The following PTPN6 variants were observed in gnomAD, a reference collection of about 807,000 sequenced individuals.
PTPN6 encodes protein tyrosine phosphatase non-receptor type 6.
In PTPN6, 18 loss-of-function variants were observed where a neutral mutation model predicts 81.5. The observed-to-expected ratio is 0.22, with a 90% CI of 0.15 to 0.33. PTPN6 has a LOEUF of 0.33. Among genes scored for constraint, PTPN6 ranks in the 10% least tolerant of loss-of-function variants. The pLI is 1.00. For missense variants in PTPN6, 500 were observed against 794.2 expected, an observed-to-expected ratio of 0.63 and a Z score of 4.45; for synonymous variants, 301 against 310.9, an observed-to-expected ratio of 0.97 and a Z score of 0.33.
chr12:6,955,959 C>T lies in PTPN6; in HGVS notation c.845-183C>T, dbSNP rs937505305. Among the ~76,000 whole-genome samples the T allele has an allele frequency of 7.2e-5, 11 of 151,928 alleles. No individual in the cohort carries two copies. Among genetic ancestry groups the T allele is most frequent in the Admixed American group, 3.3e-4 (5 of 15,262 alleles). On this transcript the variant is annotated intron_variant, in intron 7 of 15. Coordinates refer to ENST00000318974, the MANE Select transcript of PTPN6 (RefSeq NM_002831.6). The surrounding 1 kb of genome is among the most constrained non-coding windows in gnomAD (Gnocchi z 7.2). ...CAGGCAGGTTGCCCCCTGCTCCCAA[C>T]CTCCTTGTGAACTCCCTCACTCCCT... is the stretch of plus-strand genomic sequence containing the variant.
At position 6,954,555 on chromosome 12, in the gene PTPN6, C is replaced by A. The variant is rs1945987592; in HGVS notation, c.327-250C>A. 6.6e-6 allele frequency among the ~76,000 whole-genome samples: 1 copy of A among 152,210 alleles called. No individual in the cohort carries two copies. Among genetic ancestry groups the A allele is most frequent in the Non-Finnish European group, 1.5e-5 (1 of 68,040 alleles). Reference sequence around the variant, plus strand: ...GAGCTCTGGAAGCTTGCCCTAGAGTCAGTCAAGGGCCCTAGGCCAGTGAGT... The same window carrying A: ...GAGCTCTGGAAGCTTGCCCTAGAGTAAGTCAAGGGCCCTAGGCCAGTGAGT... On this transcript the variant is annotated intron_variant, in intron 3 of 15. Transcript: ENST00000318974. The surrounding 1 kb of genome is among the most constrained non-coding windows in gnomAD (Gnocchi z 5.4).
Position 6,951,436 on chromosome 12 carries a change from C to G in PTPN6, c.-77C>G, listed in dbSNP as rs1945922173. 3 of 1,596,570 alleles carry G rather than the reference C, an allele frequency of 1.9e-6. No homozygotes were observed. Among genetic ancestry groups the G allele is most frequent in the South Asian group, 1.1e-5 (1 of 88,922 alleles). On this transcript the variant is annotated 5_prime_UTR_variant, in exon 1 of 16. Transcript: ENST00000318974. The surrounding 1 kb of genome is among the most constrained non-coding windows in gnomAD (Gnocchi z 7.2). ...CTGGGAGCTGCATCTGAGGCTTAGT[C>G]CCTGAGCTCTCTGCCTGCCCAGACT... is the stretch of plus-strand genomic sequence containing the variant.
Position 6,955,864 on chromosome 12 carries a change from C to T in PTPN6, c.844+108C>T, listed in dbSNP as rs782728468. On this transcript the variant is annotated intron_variant, in intron 7 of 15. Transcript: ENST00000318974. The surrounding 1 kb of genome is among the most constrained non-coding windows in gnomAD (Gnocchi z 7.2). ...CACGCCAGGAGGGGCCATCTCCCCA[C>T]ACCCCCCACAGAGCCTCCCCCTTCT... 23 of 1,062,978 alleles carry T rather than the reference C, an allele frequency of 2.2e-5. No individual in the cohort carries two copies. In the African/African-American group the frequency reaches 3.6e-4, roughly 17 times the overall value. 65.8% of individuals were successfully genotyped at this position (1,062,978 alleles called of 1,614,324 possible).
chr12:6,955,293 C>T lies in PTPN6; in HGVS notation c.633+26C>T. 1 of 1,611,830 alleles carries T rather than the reference C, an allele frequency of 6.2e-7. No individual in the cohort carries two copies. The highest frequency in any genetic ancestry group is 8.5e-7 in the Non-Finnish European group (1 of 1,177,904). The stretch of plus-strand genomic sequence containing the variant: ...GTCAGGGGTGGGCCCAGCTGCCTCC[C>T]CACTTCCCCTGAGCTGTCCCCCAGA... On this transcript the variant is annotated intron_variant, in intron 5 of 15. Transcript: ENST00000318974. The surrounding 1 kb of genome is among the most constrained non-coding windows in gnomAD (Gnocchi z 7.2).
Position 6,960,176 on chromosome 12 carries a change from G to A in PTPN6, c.1518G>A (p.Lys506=). 1.2e-6 allele frequency: 2 copies of A among 1,612,640 alleles called. No homozygotes were observed. The highest frequency in any genetic ancestry group is 1.3e-5 in the African/African-American group (1 of 74,476). The change falls in exon 13 of 16, where the codon AAG becomes AAA. Residue 506 remains lysine, a synonymous_variant. Transcript: ENST00000318974. The surrounding 1 kb of genome is among the most constrained non-coding windows in gnomAD (Gnocchi z 6.1). ...SGMVQTEAQY[K]FIYVAIAQFI... is the part of the protein sequence containing the mutation. ...TGGTGCAGACGGAGGCGCAGTACAA[G>A]TTCATCTACGTGGCCATCGCCCAGT...
At chr12:6,951,157 T>A, upstream of PTPN6, 3 of 1,167,770 alleles carry the variant, frequency 2.6e-6, no homozygotes, top group Non-Finnish European at 3.4e-6. The surrounding 1 kb of genome is among the most constrained non-coding windows in gnomAD (Gnocchi z 7.2). Context: ...TTACTGCATG[T>A]GTTGTCACAT....
Position 6,956,002 on chromosome 12 carries a change from C to A in PTPN6, c.845-140C>A, listed in dbSNP as rs1293736088. On this transcript the variant is annotated intron_variant, in intron 7 of 15. Transcript: ENST00000318974. This position sits in a 1 kb window ranked among gnomAD's most constrained non-coding sequence, Gnocchi z 4.1. ...CACTCCCTCCATACAGATGATCCCC[C>A]ACCCCTGCTGCCCACAGTCCCCCGC... 2 of 903,144 alleles carry A rather than the reference C, an allele frequency of 2.2e-6. No individual in the cohort carries two copies. Among genetic ancestry groups the A allele is most frequent in the Non-Finnish European group, 3.6e-6 (2 of 560,094 alleles). 55.9% of individuals were successfully genotyped at this position (903,144 alleles called of 1,614,324 possible).
chr12:6,947,130 T>C (rs1428627390), upstream of PTPN6, among the ~76,000 whole-genome samples: 1 of 152,140 alleles, frequency 6.6e-6, no homozygotes, highest in Non-Finnish European at 1.5e-5. Context: ...CTTCCCAACA[T>C]CAGACTTTGG....
At chr12:6,951,206 G>A (rs73262885), upstream of PTPN6, 6,172 of 1,402,698 alleles carry the variant, frequency 4.4e-3, 179 homozygotes, top group African/African-American at 0.067. This position sits in a 1 kb window ranked among gnomAD's most constrained non-coding sequence, Gnocchi z 7.2. Context: ...GATTGCAGAC[G>A]TGTGGGAAGT....
At position 6,954,557 on chromosome 12, in the gene PTPN6, G is replaced by A. The variant is rs192303717; in HGVS notation, c.327-248G>A. On this transcript the variant is annotated intron_variant, in intron 3 of 15. Transcript: ENST00000318974. This position sits in a 1 kb window ranked among gnomAD's most constrained non-coding sequence, Gnocchi z 5.4. ...GCTCTGGAAGCTTGCCCTAGAGTCAGTCAAGGGCCCTAGGCCAGTGAGTAA... is the reference window on the plus strand; with the variant it reads ...GCTCTGGAAGCTTGCCCTAGAGTCAATCAAGGGCCCTAGGCCAGTGAGTAA... 3.9e-5 allele frequency among the ~76,000 whole-genome samples: 6 copies of A among 152,320 alleles called. No homozygotes were observed. Among genetic ancestry groups the A allele is most frequent in the Admixed American group, 6.5e-5 (1 of 15,306 alleles).
chr12:6,959,748 T>C lies in PTPN6; in HGVS notation c.1362-179T>C. 1.5e-6 allele frequency: 1 copy of C among 681,890 alleles called. No homozygotes were observed. Among genetic ancestry groups the C allele is most frequent in the Non-Finnish European group, 2.6e-6 (1 of 388,310 alleles). 42.2% of individuals were successfully genotyped at this position (681,890 alleles called of 1,614,324 possible). A position where few individuals can be genotyped will look rare whatever the true frequency, so the allele number is the denominator to read the frequency against. ...ACCGCAGAGCCCGAGGTGGAGCGTG[T>C]CCATGCAGAGCTGGGCAAACCTCCA... On this transcript the variant is annotated intron_variant, in intron 11 of 15. Transcript: ENST00000318974. This position sits in a 1 kb window ranked among gnomAD's most constrained non-coding sequence, Gnocchi z 6.6.
In PTPN6 at chr12:6,951,858, C is replaced by A; in HGVS notation, c.132-125C>A. ...CGTCTGTTCCCTTGCCCCCAACCCC[C>A]ACACTCCCCATCCCTGTCTGTGCCC... On this transcript the variant is annotated intron_variant, in intron 2 of 15. Coordinates refer to ENST00000318974, the MANE Select transcript of PTPN6 (RefSeq NM_002831.6). This position sits in a 1 kb window ranked among gnomAD's most constrained non-coding sequence, Gnocchi z 7.2. The A allele has an allele frequency of 6.4e-7, 1 of 1,568,512 alleles. No homozygotes were observed. The highest frequency in any genetic ancestry group is 8.7e-7 in the Non-Finnish European group (1 of 1,149,624).
chr12:6,948,434 C>CAAAAAAAAA (rs1262721721), upstream of PTPN6, among the ~76,000 whole-genome samples: 1 of 45,486 alleles, frequency 2.2e-5, no homozygotes, highest in African/African-American at 7.6e-5. Context: ...GATTCTGTGT[C>CAAAAAAAAA]AAAAAAAAAA....
Position 6,957,596 on chromosome 12 carries a change from G to A in PTPN6, c.1075-58G>A. The A allele has an allele frequency of 6.3e-7, 1 of 1,595,182 alleles. No homozygotes were observed. The highest frequency in any genetic ancestry group is 8.6e-7 in the Non-Finnish European group (1 of 1,169,504). ...GCACTCAGAACATAGAGCAGGACCT[G>A]GGATGGGCCACAGTGCCCTGCTCTG... On this transcript the variant is annotated intron_variant, in intron 9 of 15. Coordinates refer to ENST00000318974, the MANE Select transcript of PTPN6 (RefSeq NM_002831.6). This position sits in a 1 kb window ranked among gnomAD's most constrained non-coding sequence, Gnocchi z 6.5.
upstream of PTPN6, among the ~76,000 whole-genome samples, chr12:6,947,506 C>CA (rs1182273586): frequency 1.3e-5 from 2 of 151,600 alleles, no homozygotes; most frequent in Non-Finnish European, 1.5e-5. Context: ...CCTGTCTCTA[C>CA]AAAAAATAAG....
Position 6,956,288 on chromosome 12 carries a change from C to A in PTPN6, c.924+67C>A. Reference sequence around the variant, plus strand: ...GGAATTCCCTGTCTGGTGGGGGGACCCTAGATCCAGAGACAGCTGGGCAAA... The same window carrying A: ...GGAATTCCCTGTCTGGTGGGGGGACACTAGATCCAGAGACAGCTGGGCAAA... On this transcript the variant is annotated intron_variant, in intron 8 of 15. Transcript: ENST00000318974. The surrounding 1 kb of genome is among the most constrained non-coding windows in gnomAD (Gnocchi z 4.1). 6.2e-7 allele frequency: 1 copy of A among 1,609,524 alleles called. No homozygotes were observed. The highest frequency in any genetic ancestry group is 1.1e-5 in the South Asian group (1 of 90,976).
Position 6,957,828 on chromosome 12 carries a change from C to G in PTPN6, c.1206+43C>G. 6.2e-7 allele frequency: 1 copy of G among 1,614,068 alleles called. No individual in the cohort carries two copies. Among genetic ancestry groups the G allele is most frequent in the Non-Finnish European group, 8.5e-7 (1 of 1,180,000 alleles). ...CCTGCCCCATTCCGGGAGTCCCTCCCTGGACTTGTTCTCCTCTCTGGTCGG... is the reference window on the plus strand; with the variant it reads ...CCTGCCCCATTCCGGGAGTCCCTCCGTGGACTTGTTCTCCTCTCTGGTCGG... On this transcript the variant is annotated intron_variant, in intron 10 of 15. Transcript: ENST00000318974. This position sits in a 1 kb window ranked among gnomAD's most constrained non-coding sequence, Gnocchi z 6.5.
At chr12:6,950,230 G>T (rs894912592), upstream of PTPN6, among the ~76,000 whole-genome samples, 51 of 151,624 alleles carry the variant, frequency 3.4e-4, no homozygotes, top group Non-Finnish European at 3.2e-4. Context: ...ATTCAAAAAG[G>T]TATGTAGAGA....
At chr12:6,958,221 C>T in intron 11 of PTPN6, 148 bp downstream of exon 11, 2 of 1,187,542 alleles carry the variant, frequency 1.7e-6, no homozygotes, top group Non-Finnish European at 2.4e-6. Flanking sequence ...CCTCATGGCT[C>T]CAGAACCCTG....
Sources: allele counts gnomAD v4.1 joint callset (sites outside exome capture counted in the v4.1 genomes callset), GRCh38; gene constraint gnomAD v4.1.1; non-coding constraint Gnocchi (gnomAD v3.1); transcripts MANE v1.5; gene names NCBI Gene and HGNC (gene_info 2026-07-23, HGNC 2026-07-21).